The following EDAR variants were observed in gnomAD, a reference collection of about 807,000 sequenced individuals.
EDAR encodes tumor necrosis factor receptor superfamily member EDAR.
Under a neutral mutation model 51.3 loss-of-function variants are expected in EDAR, and 38 were observed. The observed-to-expected ratio is 0.74, with a 90% CI of 0.57 to 0.97. The LOEUF is 0.97. EDAR is among the 50% of genes least tolerant of loss of function. EDAR has a pLI of 0.00. For missense variants in EDAR, 528 were observed against 595.0 expected, an observed-to-expected ratio of 0.89 and a Z score of 1.17; for synonymous variants, 227 against 242.1, an observed-to-expected ratio of 0.94 and a Z score of 0.58.
At chr2:108,984,504 G>A (rs1698465426) in intron 1 of EDAR, among the ~76,000 whole-genome samples, 2 of 152,032 alleles carry the variant, frequency 1.3e-5, no homozygotes, top group African/African-American at 2.4e-5. Flanking sequence ...CCTCTGCTCC[G>A]GCAGCATGGC....
chr2:108,902,433 C>T (rs13430741), intron 11 of EDAR, among the ~76,000 whole-genome samples: 9,102 of 152,116 alleles, frequency 0.06, 349 homozygotes, highest in South Asian at 0.15. Flanking sequence ...TAGGTCCTCA[C>T]GATTTCACTG....
intron 5 of EDAR, among the ~76,000 whole-genome samples, chr2:108,917,863 C>T (rs957502795): frequency 2.0e-5 from 3 of 152,150 alleles, no homozygotes; most frequent in Non-Finnish European, 4.4e-5. Context: ...AAGGCACCTG[C>T]AGAGCCTGAA....
At chr2:108,958,981 T>C (rs1697983035) in intron 1 of EDAR, among the ~76,000 whole-genome samples, 1 of 152,232 alleles carries the variant, frequency 6.6e-6, no homozygotes, top group African/African-American at 2.4e-5. Context: ...GTGGCCTCCA[T>C]GGCTAGTGGC....
Position 108,951,922 on chromosome 2 carries a change from T to G in EDAR, c.-18-20890A>C, listed in dbSNP as rs138370998. Reference sequence around the variant, plus strand: ...ATGGTGTACAATGATGAGTAAGACATAGACTTTCCCTTGACACTCTTACAG... The same window carrying G: ...ATGGTGTACAATGATGAGTAAGACAGAGACTTTCCCTTGACACTCTTACAG... On this transcript the variant is annotated intron_variant, in intron 1 of 11. Coordinates refer to ENST00000258443, the MANE Select transcript of EDAR (RefSeq NM_022336.4). Among the ~76,000 whole-genome samples the G allele has an allele frequency of 4.1e-4, 62 of 152,346 alleles. 1 individual carries two copies. Among genetic ancestry groups the G allele is most frequent in the Middle Eastern group, 3.4e-3 (1 of 294 alleles).
Position 108,942,030 on chromosome 2 carries a change from G to A in EDAR, c.-18-10998C>T, listed in dbSNP as rs1482909823. Among the ~76,000 whole-genome samples the A allele has an allele frequency of 1.1e-4, 16 of 152,364 alleles. No homozygotes were observed. In the East Asian group the frequency reaches 3.1e-3, roughly 29 times the overall value. On this transcript the variant is annotated intron_variant, in intron 1 of 11. Coordinates refer to ENST00000258443, the MANE Select transcript of EDAR (RefSeq NM_022336.4). Reference sequence around the variant, plus strand: ...CTTGTGTGATGGAAACTCCACAGGTGCCTCAGAGAAAGTTCGCTGGGCTTC... The same window carrying A: ...CTTGTGTGATGGAAACTCCACAGGTACCTCAGAGAAAGTTCGCTGGGCTTC...
At chr2:108,975,856 G>A (rs1367143423) in intron 1 of EDAR, among the ~76,000 whole-genome samples, 29 of 152,142 alleles carry the variant, frequency 1.9e-4, no homozygotes, top group Admixed American at 1.7e-3. Context: ...ACTGCTGGAC[G>A]GCGTTCTGTG....
rs765598659 is a variant in EDAR at position 108,910,779 on chromosome 2, G to T, written c.727C>A (p.Pro243Thr). 5.0e-6 allele frequency: 8 copies of T among 1,612,986 alleles called. No individual in the cohort carries two copies. The highest frequency in any genetic ancestry group is 6.8e-6 in the Non-Finnish European group (8 of 1,179,966). The change falls in exon 8 of 12, where the codon CCA becomes ACA. Residue 243 changes from proline (P) to threonine (T), a missense_variant. Physicochemically the swap from Pro to Thr is conservative, Grantham distance 38. Coordinates refer to ENST00000258443, the MANE Select transcript of EDAR (RefSeq NM_022336.4). ...GTGGAAGCCCTGGTTCACAGACCTG[G>T]GGCCTCTTTCTTCTCCTCGTCCTTG... is the stretch of plus-strand genomic sequence containing the variant. ...VSKDEEKKEA[P>T]DNVVMFSEKD...
chr2:108,972,691 T>C (rs1300754762), intron 1 of EDAR, among the ~76,000 whole-genome samples: 2 of 152,236 alleles, frequency 1.3e-5, no homozygotes, highest in Non-Finnish European at 2.9e-5. Flanking sequence ...CTTGACGTGA[T>C]CATTTGAAAA....
chr2:108,936,137 A>G (rs1311137310), intron 1 of EDAR, among the ~76,000 whole-genome samples: 1 of 152,252 alleles, frequency 6.6e-6, no homozygotes. Flanking sequence ...CTTGACTGTG[A>G]CGGTGCTACC....
At chr2:108,978,574 T>C (rs1574415563) in intron 1 of EDAR, among the ~76,000 whole-genome samples, 1 of 148,410 alleles carries the variant, frequency 6.7e-6, no homozygotes, top group Non-Finnish European at 1.5e-5. Flanking sequence ...CGAGGAAAAG[T>C]TTTTTTTTCT....
intron 1 of EDAR, among the ~76,000 whole-genome samples, chr2:108,967,471 G>A (rs749423238): frequency 8.5e-5 from 13 of 152,096 alleles, no homozygotes; most frequent in South Asian, 2.1e-4. Flanking sequence ...TTTAAAGTTC[G>A]TGTTTACGGG....
chr2:108,961,014 G>A (rs1264393386), intron 1 of EDAR, among the ~76,000 whole-genome samples: 1 of 152,192 alleles, frequency 6.6e-6, no homozygotes, highest in Non-Finnish European at 1.5e-5. Context: ...CCTTACAATA[G>A]AGTCCCAGTG....
chr2:108,907,303 T>A (rs1388279853), intron 10 of EDAR, among the ~76,000 whole-genome samples: 1 of 152,218 alleles, frequency 6.6e-6, no homozygotes, highest in African/African-American at 2.4e-5. Flanking sequence ...GATTTTACCT[T>A]TTTTCTCCTT....
chr2:108,935,876 G>A lies in EDAR; in HGVS notation c.-18-4844C>T, dbSNP rs568248498. Among the ~76,000 whole-genome samples the A allele has an allele frequency of 1.1e-3, 169 of 152,264 alleles. 1 individual carries two copies. The highest frequency in any genetic ancestry group is 2.0e-3 in the Non-Finnish European group (133 of 68,012). On this transcript the variant is annotated intron_variant, in intron 1 of 11. Transcript: ENST00000258443. Reference sequence around the variant, plus strand: ...ACAAGTTTGGCCCCCTTTCCTAGCCGTCCTCCCCTAGACTCAGTCTCCTCT... The same window carrying A: ...ACAAGTTTGGCCCCCTTTCCTAGCCATCCTCCCCTAGACTCAGTCTCCTCT...
intron 1 of EDAR, among the ~76,000 whole-genome samples, chr2:108,942,864 CG>C (rs757234944): frequency 5.3e-5 from 8 of 152,174 alleles, no homozygotes; most frequent in Non-Finnish European, 1.2e-4. Flanking sequence ...TAAGTTTGAG[CG>C]GGTAGGATTT....
intron 1 of EDAR, among the ~76,000 whole-genome samples, chr2:108,978,764 A>T (rs113361550): frequency 6.6e-6 from 1 of 152,206 alleles, no homozygotes; most frequent in African/African-American, 2.4e-5. Flanking sequence ...GAGACAGTCT[A>T]TCGGTAAGCT....
At chr2:108,962,548 G>A (rs976589512) in intron 1 of EDAR, among the ~76,000 whole-genome samples, 4 of 151,796 alleles carry the variant, frequency 2.6e-5, no homozygotes, top group African/African-American at 7.3e-5. Context: ...GGTGGCGGGC[G>A]CCTGTAGTCC....
chr2:108,978,528 T>C (rs166346), intron 1 of EDAR, among the ~76,000 whole-genome samples: 117,905 of 152,202 alleles, frequency 0.77, 47,208 homozygotes, highest in South Asian at 0.87. Flanking sequence ...TTAGGGAACA[T>C]GCAGATCCTC....
intron 5 of EDAR, among the ~76,000 whole-genome samples, chr2:108,921,355 T>G (rs1349880792): frequency 6.6e-6 from 1 of 152,166 alleles, no homozygotes; most frequent in Admixed American, 6.5e-5. Flanking sequence ...CCAGGGGCCC[T>G]TGGCAAGTCT....
Sources: gnomAD v4.1 joint callset for allele counts (sites outside exome capture counted in the v4.1 genomes callset) on GRCh38, gnomAD v4.1.1 for gene constraint, MANE v1.5 for transcripts, NCBI Gene and HGNC (gene_info 2026-07-23, HGNC 2026-07-21) for gene names.